The following EDAR variants were observed in gnomAD, a reference collection of about 807,000 sequenced individuals.
The protein encoded by EDAR is ectodysplasin A receptor.
In EDAR, 38 loss-of-function variants were observed where a neutral mutation model predicts 51.3. That is an observed-to-expected ratio of 0.74 (90% CI 0.57 to 0.97). EDAR has a LOEUF of 0.97. Among genes scored for constraint, EDAR ranks in the 50% least tolerant of loss-of-function variants. EDAR has a pLI of 0.00. For synonymous variants in EDAR, 227 were observed against 242.1 expected (o/e 0.94, Z 0.58); for missense variants, 528 against 595.0 (o/e 0.89, Z 1.17).
chr2:108,931,719 GT>G (rs113255769), intron 1 of EDAR, among the ~76,000 whole-genome samples: 1,624 of 148,926 alleles, frequency 0.011, 33 homozygotes, highest in African/African-American at 0.039. Flanking sequence ...GAGGAGGTGG[GT>G]TTTTTTTTCT....
At chr2:108,906,034 C>T (rs1334920056) in intron 11 of EDAR, among the ~76,000 whole-genome samples, 1 of 146,342 alleles carries the variant, frequency 6.8e-6, no homozygotes, top group Non-Finnish European at 1.5e-5. Flanking sequence ...CTCACCGACC[C>T]TGCGTTTCCC....
chr2:108,930,028 C>G, intron 3 of EDAR, 92 bp downstream of exon 3: 1 of 1,473,926 alleles, frequency 6.8e-7, no homozygotes, highest in East Asian at 2.5e-5. Flanking sequence ...CTGGCATCCC[C>G]TCACACAGCA....
At chr2:108,908,397 A>G (rs1410609842) in intron 9 of EDAR, among the ~76,000 whole-genome samples, 2 of 152,210 alleles carry the variant, frequency 1.3e-5, no homozygotes, top group Non-Finnish European at 2.9e-5. Flanking sequence ...AGTAAGCACC[A>G]AGTTCAACTG....
Position 108,895,604 on chromosome 2 carries a change from C to G in EDAR, c.*1303G>C, listed in dbSNP as rs1257203979. 6.6e-6 allele frequency: 1 copy of G among 152,236 alleles called. No individual in the cohort carries two copies. The highest frequency in any genetic ancestry group is 1.5e-5 in the Non-Finnish European group (1 of 68,056). 9.4% of individuals were successfully genotyped at this position (152,236 alleles called of 1,614,324 possible). A position where few individuals can be genotyped will look rare whatever the true frequency, so the allele number is the denominator to read the frequency against. Reference sequence around the variant, plus strand: ...CCACACTGTGTTGACTTCCATAGAGCACCTCAAAGGCCTGGCATTTCCTAT... The same window carrying G: ...CCACACTGTGTTGACTTCCATAGAGGACCTCAAAGGCCTGGCATTTCCTAT... On this transcript the variant is annotated 3_prime_UTR_variant, in exon 12 of 12. Transcript: ENST00000258443.
At chr2:108,928,909 C>A (rs1281704897) in intron 4 of EDAR, among the ~76,000 whole-genome samples, 2 of 152,238 alleles carry the variant, frequency 1.3e-5, no homozygotes, top group Non-Finnish European at 2.9e-5. Flanking sequence ...CGCTACTGCA[C>A]TGTAAGTATT....
At chr2:108,971,715 T>G (rs768160035) in intron 1 of EDAR, among the ~76,000 whole-genome samples, 3 of 151,618 alleles carry the variant, frequency 2.0e-5, no homozygotes, top group South Asian at 2.1e-4. Context: ...TAAAGAGGAG[T>G]TGGCATTAGA....
intron 4 of EDAR, among the ~76,000 whole-genome samples, chr2:108,928,313 T>C (rs546134238): frequency 6.6e-6 from 1 of 152,080 alleles, no homozygotes; most frequent in South Asian, 2.1e-4. Context: ...CCTCCACAAA[T>C]CTCCCAAGAC....
intron 1 of EDAR, among the ~76,000 whole-genome samples, chr2:108,931,787 C>A (rs1419922372): frequency 6.6e-6 from 1 of 151,950 alleles, no homozygotes; most frequent in Non-Finnish European, 1.5e-5. Context: ...TGACTCAAAG[C>A]AATTTTACTT....
chr2:108,907,735 T>C (rs112269758), intron 10 of EDAR, 125 bp downstream of exon 10: 17,637 of 1,106,084 alleles, frequency 0.016, 216 homozygotes, highest in Non-Finnish European at 0.02. Context: ...CCAGGTCTCC[T>C]ATCTTGGACT....
chr2:108,928,337 A>G (rs564712793), intron 4 of EDAR, among the ~76,000 whole-genome samples: 7 of 151,592 alleles, frequency 4.6e-5, no homozygotes, highest in Non-Finnish European at 7.4e-5. Flanking sequence ...TGCTGACACT[A>G]CCTCCCCAGC....
chr2:108,958,572 C>T (rs73952571), intron 1 of EDAR, among the ~76,000 whole-genome samples: 3,507 of 152,222 alleles, frequency 0.023, 131 homozygotes, highest in African/African-American at 0.079. Context: ...GGCAGAAGGA[C>T]GGTGGGAGGG....
At chr2:108,986,673 G>A (rs1698506537) in intron 1 of EDAR, among the ~76,000 whole-genome samples, 1 of 152,232 alleles carries the variant, frequency 6.6e-6, no homozygotes, top group Non-Finnish European at 1.5e-5. Context: ...AGACATTCAT[G>A]ACAACGCTTT....
intron 1 of EDAR, among the ~76,000 whole-genome samples, chr2:108,974,134 C>T (rs922811236): frequency 1.3e-5 from 2 of 151,082 alleles, no homozygotes; most frequent in Middle Eastern, 3.2e-3. Flanking sequence ...TCGAGACCAT[C>T]CTGGCTAACA....
chr2:108,979,500 C>T (rs945710295), intron 1 of EDAR, among the ~76,000 whole-genome samples: 2 of 149,332 alleles, frequency 1.3e-5, no homozygotes, highest in Non-Finnish European at 3.0e-5. Flanking sequence ...CACACACACA[C>T]GCATGGCACA....
chr2:108,900,908 G>A (rs1037767612), intron 11 of EDAR, among the ~76,000 whole-genome samples: 1 of 152,072 alleles, frequency 6.6e-6, no homozygotes, highest in Non-Finnish European at 1.5e-5. Flanking sequence ...AACAAAAACT[G>A]ATAGACCTGA....
At position 108,907,892 on chromosome 2, in the gene EDAR, C is replaced by A. The variant is rs1432041144; in HGVS notation, c.931G>T (p.Glu311Ter). The A allele has an allele frequency of 6.2e-7, 1 of 1,613,536 alleles. No homozygotes were observed. The highest frequency in any genetic ancestry group is 1.3e-5 in the African/African-American group (1 of 74,924). ...CLLSLVHLAR[E>*]KSATSNKSAG... ...GACTTGTTGCTGGTGGCAGACTTCT[C>A]CCTGGCCAGGTGAACCAGCGACAGC... Residue 311 changes from glutamate to a stop codon, truncating the protein, a stop_gained, in exon 10 of 12, where the codon GAG (glutamate) becomes TAG (stop). Transcript: ENST00000258443. LOFTEE classifies it high-confidence loss of function.
At chr2:108,947,630 C>A (rs1352087951) in intron 1 of EDAR, among the ~76,000 whole-genome samples, 1 of 152,230 alleles carries the variant, frequency 6.6e-6, no homozygotes, top group Non-Finnish European at 1.5e-5. Context: ...AGGCTTGGGA[C>A]TTGCACCCTC....
rs1310296844 is a variant in EDAR, at chr2:108,897,122, C to T, written c.1132G>A (p.Ala378Thr). The change falls in exon 12 of 12, where the codon GCC becomes ACC. Residue 378 changes from alanine to threonine, a missense_variant. Ala to Thr is a moderately conservative substitution (Grantham distance 58). Transcript: ENST00000258443. ...TCCCTCTTCAGGCCGAAGCTCTCGG[C>T]GAGGTGGCGCCACGTTTTCACAACA... ...KAVVKTWRHL[A>T]ESFGLKRDEI... The T allele has an allele frequency of 1.9e-6, 3 of 1,613,856 alleles. No individual in the cohort carries two copies. The highest frequency in any genetic ancestry group is 1.3e-5 in the African/African-American group (1 of 74,874).
chr2:108,907,189 C>A (rs553797540), intron 10 of EDAR, among the ~76,000 whole-genome samples: 1 of 152,294 alleles, frequency 6.6e-6, no homozygotes, highest in African/African-American at 2.4e-5. Context: ...TTTAAAAATG[C>A]ATAGAAGAAA....
Sources: allele counts gnomAD v4.1 joint callset (sites outside exome capture counted in the v4.1 genomes callset), GRCh38; gene constraint gnomAD v4.1.1; transcripts MANE v1.5; gene names NCBI Gene and HGNC (gene_info 2026-07-23, HGNC 2026-07-21).